ACOT7: variants seen among roughly 807,000 people sequenced by gnomAD.
ACOT7 encodes cytosolic acyl coenzyme A thioester hydrolase.
In ACOT7, 12 loss-of-function variants were observed where a neutral mutation model predicts 40.2. The observed-to-expected ratio is 0.30, with a 90% CI of 0.19 to 0.48. The LOEUF (loss-of-function observed/expected upper bound fraction) is 0.48, where lower values mean the gene tolerates loss of function less well. Ranked by LOEUF, ACOT7 falls within the 20% of genes least tolerant of loss-of-function variation. The probability of loss-of-function intolerance (pLI) is 0.99; values close to 1 mark genes in which losing one functional copy is unlikely to be tolerated. For missense variants in ACOT7, 395 were observed against 530.8 expected, an observed-to-expected ratio of 0.74 and a Z score of 2.51; for synonymous variants, 228 against 219.5, an observed-to-expected ratio of 1.04 and a Z score of -0.34.
At chr1:6,321,738 G>A (rs948263739) in intron 5 of ACOT7, among the ~76,000 whole-genome samples, 4 of 152,178 alleles carry the variant, frequency 2.6e-5, no homozygotes, top group Non-Finnish European at 4.4e-5. Context: ...TCCTGACCTC[G>A]TGATCCACCC....
intron 8 of ACOT7, among the ~76,000 whole-genome samples, chr1:6,273,985 T>C (rs1172018399): frequency 1.3e-5 from 2 of 152,112 alleles, no homozygotes; most frequent in Non-Finnish European, 2.9e-5. Flanking sequence ...GGACCGGACC[T>C]CTCTTCTTGT....
chr1:6,278,228 G>A lies in ACOT7; in HGVS notation c.1014+2874C>T, dbSNP rs1639254879. Among the ~76,000 whole-genome samples, 1 of 152,154 alleles carries A rather than the reference G, an allele frequency of 6.6e-6. No individual in the cohort carries two copies. The highest frequency in any genetic ancestry group is 2.1e-4 in the South Asian group (1 of 4,824). ...GGTGGTCCAGATGGGAGCAGCAGGT[G>A]CACAGGCGCCGGGCAGGAGTGAGCT... On this transcript the variant is annotated intron_variant, in intron 8 of 8. Coordinates refer to ENST00000361521, the MANE Select transcript of ACOT7 (RefSeq NM_007274.4). This position sits in a 1 kb window ranked among gnomAD's most constrained non-coding sequence, Gnocchi z 4.1.
intron 1 of ACOT7, chr1:6,385,821 C>A: frequency 7.1e-7 from 1 of 1,413,646 alleles, no homozygotes; most frequent in Non-Finnish European, 9.2e-7. Flanking sequence ...CCGCCCCTCC[C>A]CCACCAGCCC....
At chr1:6,350,839 C>T (rs4908546) in intron 1 of ACOT7, among the ~76,000 whole-genome samples, 120 of 152,320 alleles carry the variant, frequency 7.9e-4, no homozygotes, top group Admixed American at 1.4e-3. Flanking sequence ...TCTCCAAGAG[C>T]GTTCCTGGCT....
At chr1:6,364,336 G>A (rs908434237) in intron 1 of ACOT7, among the ~76,000 whole-genome samples, 2 of 151,066 alleles carry the variant, frequency 1.3e-5, no homozygotes, top group African/African-American at 2.4e-5. Context: ...GAGGTCGGGC[G>A]TTCAAGACCA....
intron 4 of ACOT7, among the ~76,000 whole-genome samples, chr1:6,328,052 G>A (rs1212807119): frequency 4.6e-5 from 7 of 152,112 alleles, no homozygotes; most frequent in Non-Finnish European, 8.8e-5. Context: ...GATTACAGGC[G>A]TGAGCCACCG....
chr1:6,360,542 C>T, intron 1 of ACOT7: 1 of 1,613,872 alleles, frequency 6.2e-7, no homozygotes, highest in African/African-American at 1.3e-5. Context: ...CCCAAATAGC[C>T]CATAGTTCCT....
At chr1:6,318,638 T>C in intron 5 of ACOT7, 60 bp from the exon 6 acceptor site, 2 of 1,562,122 alleles carry the variant, frequency 1.3e-6, no homozygotes, top group African/African-American at 1.4e-5. Context: ...AGCTGAATGG[T>C]CTGGCAATGC....
In ACOT7 at chr1:6,393,526, CA is replaced by C; in HGVS notation, c.-128del. On this transcript the variant is annotated 5_prime_UTR_variant, in exon 1 of 9. Coordinates refer to ENST00000361521, the MANE Select transcript of ACOT7 (RefSeq NM_007274.4). ...CGGCCCCACCCCGAGCCCCGCCTCCCAGGCCGCCAAGGCTGCAGAGAGCTCG... is the reference window on the plus strand; with the variant it reads ...CGGCCCCACCCCGAGCCCCGCCTCCCGGCCGCCAAGGCTGCAGAGAGCTCG... 1 of 892,122 alleles carries C rather than the reference CA, an allele frequency of 1.1e-6. No individual in the cohort carries two copies. The highest frequency in any genetic ancestry group is 1.5e-6 in the Non-Finnish European group (1 of 688,386). 55.3% of individuals were successfully genotyped at this position (892,122 alleles called of 1,614,324 possible). A position where few individuals can be genotyped will look rare whatever the true frequency, so the allele number is the denominator to read the frequency against.
chr1:6,269,047 C>T lies in ACOT7; in HGVS notation c.1015-4352G>A, dbSNP rs755921651. ...TTCCCTGCGCAACCCATGCTTAGGG[C>T]GCGGCAGGCTGTGCACATCAGGGTC... On this transcript the variant is annotated intron_variant, in intron 8 of 8. Coordinates refer to ENST00000361521, the MANE Select transcript of ACOT7 (RefSeq NM_007274.4). Among the ~76,000 whole-genome samples the T allele has an allele frequency of 7.9e-5, 12 of 152,212 alleles. 1 individual carries two copies. The South Asian group carries it at 8.3e-4, about 10-fold the overall frequency.
chr1:6,371,248 A>G (rs1224503321), intron 1 of ACOT7, among the ~76,000 whole-genome samples: 1 of 152,230 alleles, frequency 6.6e-6, no homozygotes, highest in Non-Finnish European at 1.5e-5. Context: ...ACACAGGCAG[A>G]GTAAATTTAG....
At chr1:6,356,410 G>A (rs1641745192) in intron 1 of ACOT7, among the ~76,000 whole-genome samples, 1 of 151,960 alleles carries the variant, frequency 6.6e-6, no homozygotes, top group Non-Finnish European at 1.5e-5. Context: ...CCTCAGCCCT[G>A]CCCAGCACCC....
At chr1:6,370,764 A>C (rs888738017) in intron 1 of ACOT7, among the ~76,000 whole-genome samples, 118 of 151,184 alleles carry the variant, frequency 7.8e-4, no homozygotes, top group African/African-American at 2.8e-3. Flanking sequence ...CAGTGCTGGG[A>C]TTACAGGCAT....
At chr1:6,284,657 C>T (rs1007741783) in intron 7 of ACOT7, among the ~76,000 whole-genome samples, 2 of 152,068 alleles carry the variant, frequency 1.3e-5, no homozygotes, top group African/African-American at 4.8e-5. Flanking sequence ...GGCTGAGGCG[C>T]ACACCAAATC....
At chr1:6,383,878 G>C (rs1426515209) in intron 1 of ACOT7, among the ~76,000 whole-genome samples, 3 of 151,388 alleles carry the variant, frequency 2.0e-5, no homozygotes, top group Non-Finnish European at 4.4e-5. Flanking sequence ...CTAATTTTTT[G>C]TATTTTTGGT....
chr1:6,281,023 T>C lies in ACOT7; in HGVS notation c.1014+79A>G, dbSNP rs1026692993. 12 of 1,529,874 alleles carry C rather than the reference T, an allele frequency of 7.8e-6. No homozygotes were observed. The African/African-American group carries it at 9.6e-5, about 12-fold the overall frequency. The allele number at this position is 1,529,874 out of a possible 1,614,324, so 94.8% of individuals were successfully genotyped here. ...AGGACAGGACTCATGCAGGCACAGA[T>C]TCCCCCTGGAGGCCCAAACACAGGG... On this transcript the variant is annotated intron_variant, in intron 8 of 8. Transcript: ENST00000361521.
intron 1 of ACOT7, among the ~76,000 whole-genome samples, chr1:6,392,427 C>A (rs1642547232): frequency 6.6e-6 from 1 of 152,178 alleles, no homozygotes; most frequent in African/African-American, 2.4e-5. Flanking sequence ...CCGAAGAGAA[C>A]TGCAGAGTAA....
rs57302929 is a variant in ACOT7 at position 6,323,737 on chromosome 1, AATATATATATATAT to A, written c.625+3548_625+3561del. On this transcript the variant is annotated intron_variant, in intron 5 of 8. Transcript: ENST00000361521. The stretch of plus-strand genomic sequence containing the variant: ...GTCTCAAAAAAAAAAAAAAAAAAAA[AATATATATATATAT>A]ATATATATATATATATATAGACAAA... 4.4e-3 allele frequency among the ~76,000 whole-genome samples: 168 copies of A among 38,406 alleles called. 1 individual carries two copies. Among genetic ancestry groups the A allele is most frequent in the African/African-American group, 9.1e-3 (108 of 11,838 alleles). 25.2% of individuals were successfully genotyped at this position (38,406 alleles called of 152,430 possible). A position where few individuals can be genotyped will look rare whatever the true frequency, so the allele number is the denominator to read the frequency against.
At chr1:6,375,953 A>T (rs6685893) in intron 1 of ACOT7, among the ~76,000 whole-genome samples, 19,377 of 130,158 alleles carry the variant, frequency 0.15, 2,258 homozygotes, top group African/African-American at 0.4. Context: ...AAAAAAAAAA[A>T]TTTTTTTAAA....
Sources: allele counts gnomAD v4.1 joint callset (sites outside exome capture counted in the v4.1 genomes callset), GRCh38; gene constraint gnomAD v4.1.1; non-coding constraint Gnocchi (gnomAD v3.1); transcripts MANE v1.5; gene names NCBI Gene and HGNC (gene_info 2026-07-23, HGNC 2026-07-21).